The following ALK variants were observed in gnomAD, a reference collection of about 807,000 sequenced individuals.
The protein encoded by ALK is ALK receptor tyrosine kinase.
A neutral mutation model predicts 163.1 loss-of-function variants in ALK; 74 were observed. The observed-to-expected ratio is 0.45, with a 90% CI of 0.38 to 0.55. ALK has a LOEUF of 0.55. Ranked by LOEUF, ALK falls within the 20% of genes least tolerant of loss-of-function variation. The pLI, the probability that ALK is intolerant of heterozygous loss-of-function variation, is 0.00. For missense variants in ALK, 2,063 were observed against 2,105.3 expected, an observed-to-expected ratio of 0.98 and a Z score of 0.39; for synonymous variants, 960 against 843.2, an observed-to-expected ratio of 1.14 and a Z score of -2.40.
Position 29,503,466 on chromosome 2 carries a change from A to G in ALK, c.1154+28449T>C, listed in dbSNP as rs1030050292. ...TGATATCTTTCATCAGGGAAATTAG[A>G]TCTCACAGAGGATACAGATATGAAA... On this transcript the variant is annotated intron_variant, in intron 4 of 28. Coordinates refer to ENST00000389048, the MANE Select transcript of ALK (RefSeq NM_004304.5). Among the ~76,000 whole-genome samples the G allele has an allele frequency of 2.0e-5, 3 of 152,364 alleles. No homozygotes were observed. The East Asian group carries it at 5.8e-4, about 29-fold the overall frequency.
intron 3 of ALK, among the ~76,000 whole-genome samples, chr2:29,659,727 A>C (rs1226527306): frequency 6.6e-6 from 1 of 152,158 alleles, no homozygotes; most frequent in African/African-American, 2.4e-5. Flanking sequence ...CTACTTCAAC[A>C]CAACAGATTG....
rs376533988 is a variant in ALK at position 29,527,170 on chromosome 2, T to C, written c.1154+4745A>G. Among the ~76,000 whole-genome samples the C allele has an allele frequency of 2.6e-5, 4 of 152,122 alleles. No individual in the cohort carries two copies. The East Asian group carries it at 5.8e-4, about 22-fold the overall frequency. On this transcript the variant is annotated intron_variant, in intron 4 of 28. Transcript: ENST00000389048. ...TGGTTGTCCATAACCATGCTGCAAA[T>C]TAGCGGTGGAATCAGGATTGAAACC...
intron 1 of ALK, among the ~76,000 whole-genome samples, chr2:29,914,002 C>T (rs753275988): frequency 3.9e-5 from 6 of 152,158 alleles, no homozygotes; most frequent in East Asian, 1.9e-4. Flanking sequence ...AAAATGATTC[C>T]GCTGTAACAT....
intron 4 of ALK, among the ~76,000 whole-genome samples, chr2:29,410,831 A>G (rs952855054): frequency 6.6e-6 from 1 of 152,316 alleles, no homozygotes; most frequent in Middle Eastern, 3.4e-3. Flanking sequence ...CTAGGACATC[A>G]CTGTACACTC....
intron 3 of ALK, among the ~76,000 whole-genome samples, chr2:29,681,525 G>T (rs1416921003): frequency 6.6e-6 from 1 of 152,122 alleles, no homozygotes; most frequent in Admixed American, 6.6e-5. Flanking sequence ...GAGGAGGAAT[G>T]CACTTTAATG....
At chr2:29,775,399 C>T (rs895980046) in intron 1 of ALK, among the ~76,000 whole-genome samples, 2 of 152,138 alleles carry the variant, frequency 1.3e-5, no homozygotes, top group African/African-American at 4.8e-5. Context: ...GATTGTCATG[C>T]CACCAGGGTA....
At chr2:29,810,398 G>A (rs1018173345) in intron 1 of ALK, among the ~76,000 whole-genome samples, 2 of 150,080 alleles carry the variant, frequency 1.3e-5, no homozygotes, top group Non-Finnish European at 3.0e-5. Context: ...CTCTAGCCTG[G>A]GTGACAAGAG....
At chr2:29,232,938 C>G (rs1664258795) in intron 14 of ALK, among the ~76,000 whole-genome samples, 1 of 152,136 alleles carries the variant, frequency 6.6e-6, no homozygotes, top group African/African-American at 2.4e-5. Flanking sequence ...CAGTTTCTGG[C>G]CTGGCTGTGA....
In ALK at chr2:29,549,596, T is replaced by G. The variant is rs200854914; in HGVS notation, c.953-17480A>C. Among the ~76,000 whole-genome samples, 8 of 152,346 alleles carry G rather than the reference T, an allele frequency of 5.3e-5. No individual in the cohort carries two copies. In the East Asian group the frequency reaches 1.2e-3, roughly 22 times the overall value. ...TAATTTAAGTTTAAGTACTGAAACT[T>G]AATTCAGTTATTGGAAAAATATGTT... On this transcript the variant is annotated intron_variant, in intron 3 of 28. Coordinates refer to ENST00000389048, the MANE Select transcript of ALK (RefSeq NM_004304.5).
chr2:29,512,954 A>C (rs1255249077), intron 4 of ALK, among the ~76,000 whole-genome samples: 7 of 151,156 alleles, frequency 4.6e-5, no homozygotes, highest in Non-Finnish European at 7.4e-5. Flanking sequence ...GACGTGAAGG[A>C]CCTCTTCAAG....
chr2:29,506,460 T>C (rs570551798), intron 4 of ALK, among the ~76,000 whole-genome samples: 1 of 152,276 alleles, frequency 6.6e-6, no homozygotes, highest in South Asian at 2.1e-4. Context: ...GACTTAGCTT[T>C]AGAAGTTGAG....
chr2:29,736,385 AT>A lies in ALK; in HGVS notation c.668-18689del, dbSNP rs538322262. Reference sequence around the variant, plus strand: ...TAATGGACTAAAATAACCATGTGTCATTTTTTTTTTAAATCCAGGGTGGAAA... The same window carrying A: ...TAATGGACTAAAATAACCATGTGTCATTTTTTTTTAAATCCAGGGTGGAAA... On this transcript the variant is annotated intron_variant, in intron 1 of 28. Coordinates refer to ENST00000389048, the MANE Select transcript of ALK (RefSeq NM_004304.5). 4.0e-3 allele frequency among the ~76,000 whole-genome samples: 603 copies of A among 149,112 alleles called. 12 individuals are homozygous for A. Among genetic ancestry groups the A allele is most frequent in the African/African-American group, 0.013 (534 of 40,736 alleles).
intron 5 of ALK, among the ~76,000 whole-genome samples, chr2:29,382,094 A>G (rs1344279857): frequency 1.3e-5 from 2 of 152,224 alleles, no homozygotes; most frequent in Admixed American, 1.3e-4. Flanking sequence ...CACTGAAAGA[A>G]GGAAGCTGGA....
intron 5 of ALK, among the ~76,000 whole-genome samples, chr2:29,346,238 T>G (rs1284016968): frequency 6.6e-6 from 1 of 152,194 alleles, no homozygotes; most frequent in Admixed American, 6.5e-5. Context: ...ATCTCATTAG[T>G]TTCTCTCAAT....
intron 1 of ALK, among the ~76,000 whole-genome samples, chr2:29,787,251 G>A: frequency 6.6e-6 from 1 of 152,184 alleles, no homozygotes; most frequent in East Asian, 1.9e-4. Context: ...TCTATCTAGT[G>A]ATTGTTCATC....
At chr2:29,918,803 C>A (rs938702709) in intron 1 of ALK, among the ~76,000 whole-genome samples, 2 of 152,062 alleles carry the variant, frequency 1.3e-5, no homozygotes, top group Admixed American at 1.3e-4. Flanking sequence ...ACATTAGTAG[C>A]CAGTGGAGCA....
intron 1 of ALK, among the ~76,000 whole-genome samples, chr2:29,872,890 C>T (rs1666615089): frequency 6.6e-6 from 1 of 152,254 alleles, no homozygotes; most frequent in Non-Finnish European, 1.5e-5. Flanking sequence ...GACAAATCCT[C>T]TGTCCCACTG....
intron 7 of ALK, among the ~76,000 whole-genome samples, chr2:29,319,553 G>C (rs1476458048): frequency 2.6e-5 from 4 of 152,186 alleles, no homozygotes; most frequent in East Asian, 3.9e-4. Flanking sequence ...TGGGGCTCCA[G>C]GGGGCAAAAG....
At chr2:29,840,817 T>C (rs974989939) in intron 1 of ALK, among the ~76,000 whole-genome samples, 1 of 152,230 alleles carries the variant, frequency 6.6e-6, no homozygotes, top group African/African-American at 2.4e-5. Context: ...ACCTTCACAC[T>C]TTGGAGTAGA....
Sources: allele counts gnomAD v4.1 joint callset (sites outside exome capture counted in the v4.1 genomes callset), GRCh38; gene constraint gnomAD v4.1.1; transcripts MANE v1.5; gene names NCBI Gene and HGNC (gene_info 2026-07-23, HGNC 2026-07-21).